TRPS1: variants seen among roughly 807,000 people sequenced by gnomAD.
TRPS1 encodes transcriptional repressor GATA binding 1, also known as zinc finger transcription factor Trps1.
In TRPS1, 6 loss-of-function variants were observed where a neutral mutation model predicts 101.2. The observed-to-expected ratio is 0.06, with a 90% CI of 0.03 to 0.12. TRPS1 has a LOEUF of 0.12. Ranked by LOEUF, TRPS1 falls within the 10% of genes least tolerant of loss-of-function variation. The pLI, the probability that TRPS1 is intolerant of heterozygous loss-of-function variation, is 1.00. For synonymous variants in TRPS1, 578 were observed against 589.8 expected, an observed-to-expected ratio of 0.98 and a Z score of 0.29; for missense variants, 1,363 against 1,567.0, an observed-to-expected ratio of 0.87 and a Z score of 2.20.
At chr8:115,558,566 T>A (rs1217163519) in intron 5 of TRPS1, among the ~76,000 whole-genome samples, 1 of 152,202 alleles carries the variant, frequency 6.6e-6, no homozygotes, top group Non-Finnish European at 1.5e-5. Flanking sequence ...CAATTAAGTA[T>A]GAAAAACACT....
chr8:115,509,888 C>T (rs747059470), intron 5 of TRPS1, among the ~76,000 whole-genome samples: 2 of 152,012 alleles, frequency 1.3e-5, no homozygotes, highest in Non-Finnish European at 2.9e-5. Flanking sequence ...CCTGGAAGTA[C>T]TCATTCTTCA....
intron 5 of TRPS1, among the ~76,000 whole-genome samples, chr8:115,524,315 CTTCCTTTTT>C (rs1815939756): frequency 1.6e-5 from 2 of 124,168 alleles, no homozygotes; most frequent in African/African-American, 6.1e-5. Context: ...TTTTCTTCTT[CTTCCTTTTT>C]TTTTTTTTTT....
chr8:115,427,877 G>A (rs1813226768), intron 5 of TRPS1, among the ~76,000 whole-genome samples: 2 of 151,894 alleles, frequency 1.3e-5, no homozygotes, highest in African/African-American at 2.4e-5. Context: ...TGCAGTACAT[G>A]TGTTTTGATC....
intron 1 of TRPS1, among the ~76,000 whole-genome samples, chr8:115,644,680 T>G (rs1373497169): frequency 6.6e-6 from 1 of 152,244 alleles, no homozygotes; most frequent in East Asian, 1.9e-4. Context: ...AGAGGCCTAG[T>G]TTTTGGCTTC....
intron 5 of TRPS1, among the ~76,000 whole-genome samples, chr8:115,514,638 T>C (rs1472058590): frequency 2.0e-5 from 3 of 151,768 alleles, no homozygotes; most frequent in Middle Eastern, 3.4e-3. Flanking sequence ...ATGCAAAAGA[T>C]ATTTTGCACA....
chr8:115,488,415 G>A (rs1163278146), intron 5 of TRPS1, among the ~76,000 whole-genome samples: 2 of 152,208 alleles, frequency 1.3e-5, no homozygotes, highest in Admixed American at 6.5e-5. Context: ...TACCGGCCAG[G>A]TGAGGTGGCT....
rs71287271 is a variant in TRPS1 at position 115,409,919 on chromosome 8, CTTTTTTT to C, written c.*4097_*4103del. 2 of 143,490 alleles carry C rather than the reference CTTTTTTT, an allele frequency of 1.4e-5. No individual in the cohort carries two copies. Among genetic ancestry groups the C allele is most frequent in the African/African-American group, 2.6e-5 (1 of 38,818 alleles). The allele number at this position is 143,490 out of a possible 1,614,324, so 8.9% of individuals were successfully genotyped here. Reference sequence around the variant, plus strand: ...ACCAAAGACGACTTGATCTTTTTTTCTTTTTTTTTTTTTGCCATGGCTCTCAAACCAA... The same window carrying C: ...ACCAAAGACGACTTGATCTTTTTTTCTTTTTTGCCATGGCTCTCAAACCAA... On this transcript the variant is annotated 3_prime_UTR_variant, in exon 7 of 7. Transcript: ENST00000395715.
intron 5 of TRPS1, among the ~76,000 whole-genome samples, chr8:115,470,592 T>C (rs183420579): frequency 1.3e-5 from 2 of 152,348 alleles, no homozygotes; most frequent in African/African-American, 2.4e-5. Context: ...AATACAGTTT[T>C]ATTAAAGGCT....
Position 115,461,302 on chromosome 8 carries a change from C to CAT in TRPS1, c.2701-42851_2701-42850insAT, listed in dbSNP as rs1327519502. Among the ~76,000 whole-genome samples, 289 of 115,728 alleles carry CAT rather than the reference C, an allele frequency of 2.5e-3. 2 individuals carry two copies. Among genetic ancestry groups the CAT allele is most frequent in the African/African-American group, 7.2e-3 (235 of 32,766 alleles). 75.9% of individuals were successfully genotyped at this position (115,728 alleles called of 152,430 possible). ...ATAGATAGATAGATAGATAGATAGACAGATACATACATACATACATACATA... is the reference window on the plus strand; with the variant it reads ...ATAGATAGATAGATAGATAGATAGACATAGATACATACATACATACATACATA... On this transcript the variant is annotated intron_variant, in intron 5 of 6. Transcript: ENST00000395715.
chr8:115,460,244 T>C (rs552849097), intron 5 of TRPS1, among the ~76,000 whole-genome samples: 24 of 152,160 alleles, frequency 1.6e-4, no homozygotes, highest in African/African-American at 5.5e-4. Flanking sequence ...ATTACCCAGA[T>C]TGCAGACTGA....
intron 5 of TRPS1, among the ~76,000 whole-genome samples, chr8:115,559,236 T>C (rs752918824): frequency 2.0e-5 from 3 of 152,112 alleles, no homozygotes; most frequent in Non-Finnish European, 2.9e-5. Context: ...CCATGGCTGG[T>C]GTGAGCATTT....
At chr8:115,420,440 A>C (rs1188122675) in intron 5 of TRPS1, among the ~76,000 whole-genome samples, 1 of 152,232 alleles carries the variant, frequency 6.6e-6, no homozygotes, top group African/African-American at 2.4e-5. Flanking sequence ...GTTTGCAAAT[A>C]AACACCAACT....
At chr8:115,448,137 T>G (rs1377450922) in intron 5 of TRPS1, among the ~76,000 whole-genome samples, 2 of 152,200 alleles carry the variant, frequency 1.3e-5, no homozygotes, top group African/African-American at 4.8e-5. Flanking sequence ...ACAACACTTG[T>G]GAGTATTATC....
chr8:115,503,778 GTTAT>G, intron 5 of TRPS1, among the ~76,000 whole-genome samples: 1 of 152,266 alleles, frequency 6.6e-6, no homozygotes, highest in East Asian at 1.9e-4. Context: ...TGATCCTGGA[GTTAT>G]TTATGAGCTG....
intron 1 of TRPS1, among the ~76,000 whole-genome samples, chr8:115,633,264 G>C (rs1341304366): frequency 6.6e-6 from 1 of 152,070 alleles, no homozygotes; most frequent in African/African-American, 2.4e-5. Context: ...TGAAAAGAGA[G>C]ATGAAGGGCA....
At chr8:115,553,228 G>A (rs571072799) in intron 5 of TRPS1, among the ~76,000 whole-genome samples, 1 of 151,656 alleles carries the variant, frequency 6.6e-6, no homozygotes, top group East Asian at 1.9e-4. Flanking sequence ...ATTTTTTGTT[G>A]CTTTTTACCA....
In TRPS1 at chr8:115,667,198, T is replaced by A. The variant is rs1012179851; in HGVS notation, c.-122+1347A>T. Among the ~76,000 whole-genome samples, 4 of 152,254 alleles carry A rather than the reference T, an allele frequency of 2.6e-5. No homozygotes were observed. The East Asian group carries it at 7.7e-4, about 29-fold the overall frequency. On this transcript the variant is annotated intron_variant, in intron 1 of 6. Coordinates refer to ENST00000395715, the MANE Select transcript of TRPS1 (RefSeq NM_014112.5). Reference sequence around the variant, plus strand: ...CCACCAGTCCTTCTCACCCTCTAACTTAAATTGCTTTAGAGTCCTGGGGCC... The same window carrying A: ...CCACCAGTCCTTCTCACCCTCTAACATAAATTGCTTTAGAGTCCTGGGGCC...
At chr8:115,597,885 T>C (rs1357060456) in intron 4 of TRPS1, among the ~76,000 whole-genome samples, 1 of 152,170 alleles carries the variant, frequency 6.6e-6, no homozygotes, top group African/African-American at 2.4e-5. Context: ...CTTTAGTTTA[T>C]ATTTGCTGGT....
intron 5 of TRPS1, among the ~76,000 whole-genome samples, chr8:115,491,920 GAAATTTGTGGA>G (rs1815032478): frequency 1.3e-5 from 2 of 152,216 alleles, no homozygotes; most frequent in South Asian, 4.2e-4. Flanking sequence ...TATGATAAAT[GAAATTTGTGGA>G]AAGCAAATAT....
Sources: allele counts gnomAD v4.1 joint callset (sites outside exome capture counted in the v4.1 genomes callset), GRCh38; gene constraint gnomAD v4.1.1; transcripts MANE v1.5; gene names NCBI Gene and HGNC (gene_info 2026-07-23, HGNC 2026-07-21).